The following VWC2 variants were observed in gnomAD, a reference collection of about 807,000 sequenced individuals.
VWC2 encodes the protein brorin.
Under a neutral mutation model 29.8 loss-of-function variants are expected in VWC2, and 14 were observed. The ratio of observed to expected loss-of-function variants is 0.47; its 90% confidence interval spans 0.31 to 0.74. The LOEUF is 0.74. VWC2 is among the 30% of genes least tolerant of loss of function. The pLI is 0.05. For synonymous variants in VWC2, 213 were observed against 199.0 expected (o/e 1.07, Z -0.59); for missense variants, 457 against 459.8 (o/e 0.99, Z 0.05).
intron 3 of VWC2, among the ~76,000 whole-genome samples, chr7:49,862,795 A>G (rs1790710962): frequency 6.6e-6 from 1 of 151,408 alleles, no homozygotes; most frequent in African/African-American, 2.4e-5. Flanking sequence ...AGGTTGAATC[A>G]CCCTTACATT....
intron 3 of VWC2, chr7:49,850,372 G>C (rs1451350222): frequency 6.6e-6 from 1 of 152,178 alleles, no homozygotes; most frequent in Non-Finnish European, 1.5e-5. Flanking sequence ...AACAAAACTG[G>C]CCAGTGCCAT....
At chr7:49,890,391 A>G (rs1444951535) in intron 3 of VWC2, among the ~76,000 whole-genome samples, 2 of 152,232 alleles carry the variant, frequency 1.3e-5, no homozygotes, top group Non-Finnish European at 2.9e-5. Flanking sequence ...TACAACAGTC[A>G]GTATGGAAAG....
intron 3 of VWC2, among the ~76,000 whole-genome samples, chr7:49,804,504 A>T (rs1788827414): frequency 6.6e-6 from 1 of 152,160 alleles, no homozygotes; most frequent in Admixed American, 6.5e-5. Flanking sequence ...TTGCTTAAAT[A>T]TTTGGCGTCT....
chr7:49,782,690 GA>G (rs149219445), intron 2 of VWC2, among the ~76,000 whole-genome samples: 10,119 of 128,712 alleles, frequency 0.079, 802 homozygotes, highest in African/African-American at 0.22. Flanking sequence ...ACAACAAATT[GA>G]AAAAAAAAAA....
At chr7:49,880,573 T>C (rs1426431160) in intron 3 of VWC2, among the ~76,000 whole-genome samples, 1 of 151,446 alleles carries the variant, frequency 6.6e-6, no homozygotes, top group Admixed American at 6.6e-5. Flanking sequence ...ATCATTTCTA[T>C]TTTTTATTTT....
chr7:49,889,455 G>T (rs1466953952), intron 3 of VWC2, among the ~76,000 whole-genome samples: 2 of 152,218 alleles, frequency 1.3e-5, no homozygotes, highest in Non-Finnish European at 2.9e-5. Context: ...GGGAAGAAAT[G>T]CATGAGAGGC....
At chr7:49,790,707 C>A (rs181104271) in intron 2 of VWC2, among the ~76,000 whole-genome samples, 2 of 151,638 alleles carry the variant, frequency 1.3e-5, no homozygotes, top group African/African-American at 4.8e-5. Context: ...CTCAGGGGGT[C>A]GGGGACTCAG....
intron 3 of VWC2, among the ~76,000 whole-genome samples, chr7:49,850,732 T>A (rs1790142983): frequency 6.6e-6 from 1 of 152,254 alleles, no homozygotes; most frequent in African/African-American, 2.4e-5. Flanking sequence ...ATATCTCACC[T>A]GTGTGACTTT....
At chr7:49,898,632 A>G (rs999120584) in intron 3 of VWC2, among the ~76,000 whole-genome samples, 2 of 152,112 alleles carry the variant, frequency 1.3e-5, no homozygotes, top group Non-Finnish European at 2.9e-5. Flanking sequence ...TATGTAAAAT[A>G]TATGTAAAAT....
intron 3 of VWC2, among the ~76,000 whole-genome samples, chr7:49,867,142 A>C (rs935787960): frequency 3.3e-5 from 5 of 152,204 alleles, no homozygotes; most frequent in Non-Finnish European, 7.3e-5. Context: ...CGAGAGAACA[A>C]CACACACAGA....
chr7:49,865,131 AT>A lies in VWC2; in HGVS notation c.827-46899del, dbSNP rs377680774. ...AATTTGCCATGTAAAGATGTAATTG[AT>A]TTTGTATATTGCTTTTATAAGAATA... On this transcript the variant is annotated intron_variant, in intron 3 of 3. Coordinates refer to ENST00000340652, the MANE Select transcript of VWC2 (RefSeq NM_198570.5). Among the ~76,000 whole-genome samples the A allele has an allele frequency of 6.5e-4, 99 of 152,274 alleles. 1 individual carries two copies. The highest frequency in any genetic ancestry group is 2.1e-3 in the African/African-American group (87 of 41,558).
intron 3 of VWC2, among the ~76,000 whole-genome samples, chr7:49,895,528 G>A (rs569851237): frequency 1.3e-5 from 2 of 152,242 alleles, no homozygotes; most frequent in South Asian, 4.1e-4. Context: ...GTTAAGCCAG[G>A]TTTATCAGCT....
In VWC2 at chr7:49,915,175, T is replaced by C. The variant is rs1450951375; in HGVS notation, c.*2990T>C. 3 of 152,130 alleles carry C rather than the reference T, an allele frequency of 2.0e-5. No individual in the cohort carries two copies. Among genetic ancestry groups the C allele is most frequent in the Non-Finnish European group, 2.9e-5 (2 of 68,028 alleles). The allele number at this position is 152,130 out of a possible 1,614,324, so 9.4% of individuals were successfully genotyped here. Reference sequence around the variant, plus strand: ...ACTTTTTATTGACATTTCCCAGAAGTCTTGAGAAAAGTCATTTCAAAAACT... The same window carrying C: ...ACTTTTTATTGACATTTCCCAGAAGCCTTGAGAAAAGTCATTTCAAAAACT... On this transcript the variant is annotated 3_prime_UTR_variant, in exon 4 of 4. Coordinates refer to ENST00000340652, the MANE Select transcript of VWC2 (RefSeq NM_198570.5).
At chr7:49,795,270 T>C (rs1788562058) in intron 2 of VWC2, among the ~76,000 whole-genome samples, 1 of 152,352 alleles carries the variant, frequency 6.6e-6, no homozygotes, top group South Asian at 2.1e-4. Flanking sequence ...TGTGTAAGTA[T>C]GAATCATCAA....
intron 3 of VWC2, among the ~76,000 whole-genome samples, chr7:49,842,168 A>G (rs906017903): frequency 1.3e-5 from 2 of 152,172 alleles, no homozygotes; most frequent in African/African-American, 4.8e-5. Flanking sequence ...GCGCCTGGCC[A>G]ATTCAACTCT....
chr7:49,782,145 G>T (rs937156212), intron 2 of VWC2, among the ~76,000 whole-genome samples: 1 of 152,210 alleles, frequency 6.6e-6, no homozygotes, highest in Admixed American at 6.5e-5. Flanking sequence ...AAAATGAAAT[G>T]ATTCCCAGAT....
chr7:49,833,259 A>G (rs947778709), intron 3 of VWC2, among the ~76,000 whole-genome samples: 1 of 152,168 alleles, frequency 6.6e-6, no homozygotes, highest in South Asian at 2.1e-4. Flanking sequence ...GTCTGTGGTA[A>G]GTTGATAAGT....
chr7:49,838,762 A>G (rs1035639406), intron 3 of VWC2, among the ~76,000 whole-genome samples: 2 of 152,182 alleles, frequency 1.3e-5, no homozygotes, highest in African/African-American at 4.8e-5. Flanking sequence ...GGAGCTTTTT[A>G]ACTTATATTA....
chr7:49,833,160 A>G (rs1789575419), intron 3 of VWC2, among the ~76,000 whole-genome samples: 1 of 152,232 alleles, frequency 6.6e-6, no homozygotes, highest in African/African-American at 2.4e-5. Flanking sequence ...TAGTGTCAGC[A>G]ACTAAATGAA....
Sources: allele counts gnomAD v4.1 joint callset (sites outside exome capture counted in the v4.1 genomes callset), GRCh38; gene constraint gnomAD v4.1.1; transcripts MANE v1.5; gene names NCBI Gene and HGNC (gene_info 2026-07-23, HGNC 2026-07-21).